Variants in SERPINB7 observed in about 807,000 individuals in gnomAD.
The protein encoded by SERPINB7 is serpin B7.
In SERPINB7, 31 loss-of-function variants were observed where a neutral mutation model predicts 37.4. The ratio of observed to expected loss-of-function variants is 0.83; its 90% CI spans 0.62 to 1.12. The LOEUF is 1.12. Among genes scored for constraint, SERPINB7 ranks in the 50% most tolerant of loss-of-function variants. SERPINB7 has a pLI of 0.00. For missense variants in SERPINB7, 521 were observed against 455.3 expected, an observed-to-expected ratio of 1.14 and a Z score of -1.31; for synonymous variants, 163 against 166.1, an observed-to-expected ratio of 0.98 and a Z score of 0.14.
intron 1 of SERPINB7, among the ~76,000 whole-genome samples, chr18:63,781,491 T>C (rs1418236842): frequency 6.6e-6 from 1 of 152,210 alleles, no homozygotes; most frequent in African/African-American, 2.4e-5. Context: ...GAGGAATAAT[T>C]TGGAGAATTC....
At chr18:63,785,038 T>A (rs1189202427) in intron 2 of SERPINB7, among the ~76,000 whole-genome samples, 2 of 152,174 alleles carry the variant, frequency 1.3e-5, no homozygotes, top group East Asian at 1.9e-4. Flanking sequence ...TACTGCCTCA[T>A]CAATTACTCT....
chr18:63,791,251 G>A (rs537337652), intron 2 of SERPINB7, among the ~76,000 whole-genome samples: 26 of 152,124 alleles, frequency 1.7e-4, no homozygotes, highest in African/African-American at 6.0e-4. Flanking sequence ...TAAAAAACCT[G>A]CACATTCTAC....
intron 2 of SERPINB7, among the ~76,000 whole-genome samples, chr18:63,789,696 T>A (rs1328188902): frequency 6.6e-6 from 1 of 152,224 alleles, no homozygotes; most frequent in East Asian, 1.9e-4. Flanking sequence ...AAAATCCACA[T>A]TGGCCAAGAG....
At chr18:63,802,758 G>A (rs78181162) in intron 7 of SERPINB7, among the ~76,000 whole-genome samples, 5,634 of 152,230 alleles carry the variant, frequency 0.037, 136 homozygotes, top group African/African-American at 0.071. Flanking sequence ...CATCCAAGGG[G>A]CATTAGTATG....
intron 1 of SERPINB7, among the ~76,000 whole-genome samples, chr18:63,762,750 A>G (rs1386832294): frequency 6.6e-6 from 1 of 152,228 alleles, no homozygotes; most frequent in Non-Finnish European, 1.5e-5. Flanking sequence ...CTTTCCATGT[A>G]CAAATGTTTA....
intron 1 of SERPINB7, among the ~76,000 whole-genome samples, chr18:63,758,831 C>A (rs960686160): frequency 5.3e-5 from 8 of 152,250 alleles, no homozygotes; most frequent in Admixed American, 1.3e-4. Context: ...CAGCTCACTA[C>A]AGCATCCTCA....
chr18:63,756,610 G>A (rs2049123341), intron 1 of SERPINB7, among the ~76,000 whole-genome samples: 1 of 152,192 alleles, frequency 6.6e-6, no homozygotes, highest in Non-Finnish European at 1.5e-5. Context: ...AGATCAGGGT[G>A]GAGGATAGGT....
chr18:63,783,234 GAA>G (rs1491373592), intron 2 of SERPINB7, among the ~76,000 whole-genome samples: 217 of 62,064 alleles, frequency 3.5e-3, no homozygotes, highest in Non-Finnish European at 4.7e-3. Context: ...GAGAGAGAGA[GAA>G]AGAAAGAAAG....
chr18:63,776,941 T>C (rs2049254783), intron 1 of SERPINB7, among the ~76,000 whole-genome samples: 1 of 152,078 alleles, frequency 6.6e-6, no homozygotes, highest in Non-Finnish European at 1.5e-5. Context: ...AACGCATCTC[T>C]CTCTCTGATA....
chr18:63,783,468 A>C (rs2049334653), intron 2 of SERPINB7, among the ~76,000 whole-genome samples: 1 of 152,124 alleles, frequency 6.6e-6, no homozygotes, highest in East Asian at 1.9e-4. Context: ...ATGACATCCC[A>C]GTTTAAGCAC....
chr18:63,754,630 G>T (rs2144578553), intron 1 of SERPINB7, among the ~76,000 whole-genome samples: 2 of 152,196 alleles, frequency 1.3e-5, no homozygotes, highest in Admixed American at 6.5e-5. Flanking sequence ...CCCTCCCTTG[G>T]AGCCCCACCC....
At chr18:63,783,283 A>G (rs9960170) in intron 2 of SERPINB7, among the ~76,000 whole-genome samples, 27,678 of 114,238 alleles carry the variant, frequency 0.24, 4,112 homozygotes, top group Middle Eastern at 0.37. Context: ...AGAAAGAAAG[A>G]AAGAAAGAAA....
At chr18:63,779,732 C>A (rs941715750) in intron 1 of SERPINB7, among the ~76,000 whole-genome samples, 1 of 151,862 alleles carries the variant, frequency 6.6e-6, no homozygotes, top group African/African-American at 2.4e-5. Flanking sequence ...TGTAGCTTCT[C>A]TTTTGTTCAA....
At chr18:63,794,494 T>C (rs1006639142) in intron 4 of SERPINB7, among the ~76,000 whole-genome samples, 50 of 151,832 alleles carry the variant, frequency 3.3e-4, no homozygotes, top group African/African-American at 1.2e-3. Flanking sequence ...GTCAAGACCA[T>C]CCTGGCTAAC....
chr18:63,798,594 T>TC lies in SERPINB7; in HGVS notation c.455-10_455-9insC. 2 of 1,542,266 alleles carry TC rather than the reference T, an allele frequency of 1.3e-6. No individual in the cohort carries two copies. The highest frequency in any genetic ancestry group is 1.7e-6 in the Non-Finnish European group (2 of 1,147,988). On this transcript the variant is annotated splice_polypyrimidine_tract_variant and intron_variant, in intron 5 of 7. Transcript: ENST00000398019. ...AATAAACATTTTTCCCTCAATTTTT[T>TC]TTTCAAAAGGCAAAATCAAGAACGT...
chr18:63,792,874 C>T (rs557244563), intron 3 of SERPINB7, among the ~76,000 whole-genome samples: 189 of 152,224 alleles, frequency 1.2e-3, no homozygotes, highest in Admixed American at 2.2e-3. Context: ...TTTGTATATT[C>T]ATAGACAACT....
chr18:63,758,736 G>T (rs1475441974), intron 1 of SERPINB7, among the ~76,000 whole-genome samples: 1 of 152,140 alleles, frequency 6.6e-6, no homozygotes, highest in East Asian at 1.9e-4. Flanking sequence ...AGCATGTGAT[G>T]GTCCCACCTC....
At chr18:63,763,870 A>G (rs2049166961) in intron 1 of SERPINB7, among the ~76,000 whole-genome samples, 2 of 152,236 alleles carry the variant, frequency 1.3e-5, no homozygotes, top group South Asian at 4.1e-4. Context: ...TTAAATCCTA[A>G]CATTTCACCA....
At chr18:63,778,683 A>G (rs1161641938) in intron 1 of SERPINB7, among the ~76,000 whole-genome samples, 2 of 152,138 alleles carry the variant, frequency 1.3e-5, no homozygotes, top group Non-Finnish European at 2.9e-5. Flanking sequence ...AAACTTTAAA[A>G]AGAAGGTTTA....
Sources: gnomAD v4.1 joint callset for allele counts (sites outside exome capture counted in the v4.1 genomes callset) on GRCh38, gnomAD v4.1.1 for gene constraint, MANE v1.5 for transcripts, NCBI Gene and HGNC (gene_info 2026-07-23, HGNC 2026-07-21) for gene names.